The following LIMCH1 variants were observed in gnomAD, a reference collection of about 807,000 sequenced individuals.
The protein encoded by LIMCH1 is LIM and calponin homology domains 1.
Under a neutral mutation model 176.5 loss-of-function variants are expected in LIMCH1, and 113 were observed. The observed-to-expected ratio is 0.64, with a 90% CI of 0.55 to 0.75. LIMCH1 has a LOEUF of 0.75. Among genes scored for constraint, LIMCH1 ranks in the 30% least tolerant of loss-of-function variants. The pLI is 0.00. For synonymous variants in LIMCH1, 619 were observed against 645.9 expected, an observed-to-expected ratio of 0.96 and a Z score of 0.63; for missense variants, 1,674 against 1,814.9, an observed-to-expected ratio of 0.92 and a Z score of 1.41.
chr4:41,694,713 G>A (rs1223111703), intron 31 of LIMCH1, among the ~76,000 whole-genome samples: 1 of 152,080 alleles, frequency 6.6e-6, no homozygotes, highest in Non-Finnish European at 1.5e-5. Flanking sequence ...ACATCCTTGT[G>A]CATATATCTT....
chr4:41,619,936 A>G (rs1316743940), intron 6 of LIMCH1: 1 of 184,150 alleles, frequency 5.4e-6, no homozygotes, highest in African/African-American at 2.4e-5. Flanking sequence ...CTTTAGAGAA[A>G]CAGTGTTTTA....
intron 1 of LIMCH1, chr4:41,389,422 G>A: frequency 5.0e-6 from 1 of 198,250 alleles, no homozygotes; most frequent in Admixed American, 4.5e-5. Context: ...TGATGAGATT[G>A]TCAGCATTGC....
At position 41,382,810 on chromosome 4, in the gene LIMCH1, ATACAGAGTCTTGC is replaced by A. The variant is rs1581284742; in HGVS notation, c.96+21878_96+21890del. ...TATGGCTGTCACCATTGTTTTTTTG[ATACAGAGTCTTGC>A]TACCATCACCCAGGCTGGAGTGCAG... On this transcript the variant is annotated intron_variant, in intron 1 of 26. Coordinates refer to the LIMCH1 transcript ENST00000313860. Among the ~76,000 whole-genome samples the A allele has an allele frequency of 2.0e-5, 3 of 152,144 alleles. No homozygotes were observed. In the East Asian group the frequency reaches 5.8e-4, roughly 29 times the overall value.
intron 31 of LIMCH1, chr4:41,692,784 A>ATGTTT (rs201318774): frequency 5.8e-6 from 1 of 171,838 alleles, no homozygotes; most frequent in African/African-American, 2.4e-5. Context: ...CAGATCGAGC[A>ATGTTT]CCAACTCATC....
At chr4:41,567,447 A>G (rs1561776112) in intron 1 of LIMCH1, among the ~76,000 whole-genome samples, 1 of 152,220 alleles carries the variant, frequency 6.6e-6, no homozygotes, top group African/African-American at 2.4e-5. Flanking sequence ...TAAAGTATTT[A>G]TGCAAAAATA....
intron 1 of LIMCH1, among the ~76,000 whole-genome samples, chr4:41,574,048 A>T (rs756490158): frequency 6.6e-6 from 1 of 152,128 alleles, no homozygotes; most frequent in African/African-American, 2.4e-5. Flanking sequence ...ACTCTTTCCT[A>T]TAATGCAAAC....
chr4:41,628,501 A>G (rs925567610), intron 8 of LIMCH1, among the ~76,000 whole-genome samples: 1 of 151,832 alleles, frequency 6.6e-6, no homozygotes, highest in East Asian at 1.9e-4. Flanking sequence ...AGAAAATTCT[A>G]TAGCCTTTCT....
At chr4:41,645,274 G>A (rs2094010047) in intron 15 of LIMCH1, among the ~76,000 whole-genome samples, 3 of 152,170 alleles carry the variant, frequency 2.0e-5, no homozygotes, top group Admixed American at 2.0e-4. Flanking sequence ...AAAGCACTCT[G>A]GAGGTAGCTA....
intron 2 of LIMCH1, among the ~76,000 whole-genome samples, chr4:41,524,044 A>T (rs1433438993): frequency 1.3e-5 from 2 of 152,216 alleles, no homozygotes; most frequent in South Asian, 4.1e-4. Context: ...TCCATGTCTT[A>T]GCCAGGAAAA....
chr4:41,449,327 T>C (rs2063600523), intron 1 of LIMCH1, among the ~76,000 whole-genome samples: 3 of 152,210 alleles, frequency 2.0e-5, no homozygotes, highest in Admixed American at 1.3e-4. Context: ...CTTGGTCTAA[T>C]TCACACAGCA....
chr4:41,657,565 T>C (rs944901366), intron 18 of LIMCH1, among the ~76,000 whole-genome samples: 2 of 152,192 alleles, frequency 1.3e-5, no homozygotes, highest in African/African-American at 4.8e-5. Flanking sequence ...TTTTAGAAAA[T>C]GTATATCCTT....
intron 3 of LIMCH1, chr4:41,524,517 T>C (rs1561630117): frequency 3.4e-6 from 5 of 1,487,274 alleles, no homozygotes; most frequent in Non-Finnish European, 3.8e-6. Flanking sequence ...CCAATATTCC[T>C]TTGCTCTAAC....
At chr4:41,457,883 A>C (rs764301695) in intron 1 of LIMCH1, among the ~76,000 whole-genome samples, 1 of 152,266 alleles carries the variant, frequency 6.6e-6, no homozygotes, top group Non-Finnish European at 1.5e-5. Context: ...TATTAAAATA[A>C]GAACATAACT....
intron 1 of LIMCH1, among the ~76,000 whole-genome samples, chr4:41,462,757 T>C (rs916324814): frequency 6.6e-6 from 1 of 152,214 alleles, no homozygotes; most frequent in Non-Finnish European, 1.5e-5. Context: ...GGCTTGTGGC[T>C]TGGATATGAA....
intron 1 of LIMCH1, among the ~76,000 whole-genome samples, chr4:41,592,419 A>G (rs1302159593): frequency 6.6e-6 from 1 of 152,222 alleles, no homozygotes; most frequent in Non-Finnish European, 1.5e-5. Flanking sequence ...AAAACTGTCA[A>G]GCTGGTGGTT....
chr4:41,445,300 G>A (rs1157815555), intron 1 of LIMCH1, among the ~76,000 whole-genome samples: 3 of 152,226 alleles, frequency 2.0e-5, no homozygotes, highest in South Asian at 2.1e-4. Context: ...CACAGTGCAC[G>A]GCCCCCATTC....
At chr4:41,363,283 G>T (rs988554230) in intron 1 of LIMCH1, among the ~76,000 whole-genome samples, 27 of 152,054 alleles carry the variant, frequency 1.8e-4, no homozygotes, top group Non-Finnish European at 2.5e-4. Context: ...ATCCCCGGGT[G>T]GGGGGGCGGA....
At chr4:41,402,628 A>G (rs1365723538) in intron 1 of LIMCH1, among the ~76,000 whole-genome samples, 1 of 139,650 alleles carries the variant, frequency 7.2e-6, no homozygotes, top group Non-Finnish European at 1.5e-5. Context: ...CATATACACC[A>G]TGGAATACTA....
At chr4:41,430,237 T>A (rs1350601906) in intron 1 of LIMCH1, among the ~76,000 whole-genome samples, 2 of 152,230 alleles carry the variant, frequency 1.3e-5, no homozygotes, top group African/African-American at 2.4e-5. Flanking sequence ...AAGATGTTTT[T>A]AAAACCATTT....
Sources: gnomAD v4.1 joint callset for allele counts (sites outside exome capture counted in the v4.1 genomes callset) on GRCh38, gnomAD v4.1.1 for gene constraint, MANE v1.5 for transcripts, NCBI Gene and HGNC (gene_info 2026-07-23, HGNC 2026-07-21) for gene names.